Variants in UCHL1 observed in about 807,000 individuals in gnomAD.
UCHL1 encodes the protein ubiquitin carboxyl-terminal hydrolase isozyme L1.
Under a neutral mutation model 33.3 loss-of-function variants are expected in UCHL1, and 5 were observed. That is an observed-to-expected ratio of 0.15 (90% CI 0.08 to 0.32). UCHL1 has a LOEUF of 0.32. Ranked by LOEUF, UCHL1 falls within the 10% of genes least tolerant of loss-of-function variation. The pLI is 1.00. For synonymous variants in UCHL1, 132 were observed against 108.8 expected (o/e 1.21, Z -1.33); for missense variants, 236 against 280.0 (o/e 0.84, Z 1.12).
At chr4:41,264,758 T>G (rs527838330) in intron 8 of UCHL1, among the ~76,000 whole-genome samples, 1 of 152,206 alleles carries the variant, frequency 6.6e-6, no homozygotes, top group South Asian at 2.1e-4. Flanking sequence ...CACTAAAAAA[T>G]GAGCCTCTAG....
At chr4:41,258,271 C>G (rs1264851290) in intron 3 of UCHL1, among the ~76,000 whole-genome samples, 1 of 152,208 alleles carries the variant, frequency 6.6e-6, no homozygotes, top group Non-Finnish European at 1.5e-5. Flanking sequence ...CCACCACTTG[C>G]ACACTTGGTT....
At chr4:41,267,238 TTTTTG>T (rs879479928) in intron 8 of UCHL1, among the ~76,000 whole-genome samples, 246 of 151,908 alleles carry the variant, frequency 1.6e-3, no homozygotes, top group African/African-American at 5.3e-3. Flanking sequence ...GCTGTTTTTT[TTTTTG>T]TTTGTTTGTT....
At chr4:41,257,256 G>T in intron 2 of UCHL1, 130 bp downstream of exon 2, 1 of 1,431,770 alleles carries the variant, frequency 7.0e-7, no homozygotes, top group Non-Finnish European at 9.4e-7. Flanking sequence ...GGGCTGGGGC[G>T]TGGGCTGGGC....
chr4:41,264,309 ACT>A, intron 8 of UCHL1, 148 bp downstream of exon 8: 1 of 954,366 alleles, frequency 1.0e-6, no homozygotes, highest in Non-Finnish European at 1.7e-6. Context: ...CCTCTTAGTA[ACT>A]CTATCTACCT....
At chr4:41,257,383 C>T (rs1561079269) in intron 2 of UCHL1, 8 of 882,702 alleles carry the variant, frequency 9.1e-6, no homozygotes, top group Non-Finnish European at 1.3e-5. Flanking sequence ...GGGCGTGGCG[C>T]GGGCAGCACA....
chr4:41,261,364 G>C (rs1781065783), intron 4 of UCHL1, among the ~76,000 whole-genome samples: 1 of 152,282 alleles, frequency 6.6e-6, no homozygotes, highest in East Asian at 1.9e-4. Context: ...CTTTTATGGT[G>C]CTAGAAATCT....
At chr4:41,259,183 C>T (rs911433167) in intron 3 of UCHL1, among the ~76,000 whole-genome samples, 1 of 152,170 alleles carries the variant, frequency 6.6e-6, no homozygotes. Flanking sequence ...CACAGAATGC[C>T]TACTGGACAA....
chr4:41,267,849 C>T, intron 8 of UCHL1, 138 bp from the exon 9 acceptor site: 1 of 797,512 alleles, frequency 1.3e-6, no homozygotes, highest in East Asian at 2.7e-5. Context: ...TGCTTTAAGC[C>T]CTGGTTTTCA....
intron 3 of UCHL1, 151 bp downstream of exon 3, chr4:41,257,888 C>G: frequency 8.0e-7 from 1 of 1,244,304 alleles, no homozygotes; most frequent in Non-Finnish European, 1.1e-6. Flanking sequence ...TTCGTGGTAC[C>G]TACTCCCTGG....
chr4:41,260,864 G>A, intron 4 of UCHL1, 67 bp downstream of exon 4: 1 of 1,609,910 alleles, frequency 6.2e-7, no homozygotes, highest in South Asian at 1.1e-5. Flanking sequence ...AGAAACAGCT[G>A]TTTTCCCGAG....
At position 41,256,966 on chromosome 4, in the gene UCHL1, G is replaced by T. The variant is rs200302762; in HGVS notation, c.-11G>T. Reference sequence around the variant, plus strand: ...CTTCCCTAGGCTATTTCTGCCGGGCGCTCCGCGAAGATGCAGCTCAAGCCG... The same window carrying T: ...CTTCCCTAGGCTATTTCTGCCGGGCTCTCCGCGAAGATGCAGCTCAAGCCG... On this transcript the variant is annotated 5_prime_UTR_variant, in exon 1 of 9. Coordinates refer to ENST00000284440, the MANE Select transcript of UCHL1 (RefSeq NM_004181.5). The T allele has an allele frequency of 1.9e-6, 3 of 1,614,156 alleles. No homozygotes were observed. The highest frequency in any genetic ancestry group is 1.7e-4 in the Middle Eastern group (1 of 6,038).
rs781765426 is a variant in UCHL1 at position 41,257,713 on chromosome 4, G to A, written c.150G>A (p.Leu50=). 1.3e-6 allele frequency: 2 copies of A among 1,581,538 alleles called. No individual in the cohort carries two copies. Among genetic ancestry groups the A allele is most frequent in the Middle Eastern group, 1.9e-4 (1 of 5,176 alleles). Reference sequence around the variant, plus strand: ...TGCCAGCGCCTGCCTGCGCGCTGCTGCTGCTGTTTCCCCTCACGGCCCAGG... The same window carrying A: ...TGCCAGCGCCTGCCTGCGCGCTGCTACTGCTGTTTCCCCTCACGGCCCAGG... The part of the protein sequence containing the change: ...GSVPAPACAL[L]LLFPLTAQHE... The change falls in exon 3 of 9, where the codon CTG becomes CTA. Residue 50 remains leucine, a synonymous_variant. Transcript: ENST00000284440.
chr4:41,260,892 T>C, intron 4 of UCHL1, 95 bp downstream of exon 4: 4 of 1,548,354 alleles, frequency 2.6e-6, no homozygotes, highest in Non-Finnish European at 3.6e-6. Flanking sequence ...ATGCTGTACC[T>C]TTTGAAACCA....
chr4:41,268,380 G>A lies in UCHL1; in HGVS notation c.*307G>A, dbSNP rs1419612097. 4 of 403,140 alleles carry A rather than the reference G, an allele frequency of 9.9e-6. No individual in the cohort carries two copies. In the Admixed American group the frequency reaches 1.6e-4, roughly 17 times the overall value. 25.0% of individuals were successfully genotyped at this position (403,140 alleles called of 1,614,324 possible). A position where few individuals can be genotyped will look rare whatever the true frequency, so the allele number is the denominator to read the frequency against. Reference sequence around the variant, plus strand: ...TCTGTAAGTTAAGACCTTGGATGTGGTTTAATTGTTTGTCCTCAAAAGGAA... The same window carrying A: ...TCTGTAAGTTAAGACCTTGGATGTGATTTAATTGTTTGTCCTCAAAAGGAA... On this transcript the variant is annotated 3_prime_UTR_variant, in exon 9 of 9. Coordinates refer to ENST00000284440, the MANE Select transcript of UCHL1 (RefSeq NM_004181.5).
intron 4 of UCHL1, among the ~76,000 whole-genome samples, chr4:41,261,112 T>A (rs1393125396): frequency 6.6e-6 from 1 of 152,216 alleles, no homozygotes; most frequent in Non-Finnish European, 1.5e-5. Context: ...TGGATAAGCC[T>A]ATGTCAGTGG....
chr4:41,257,743 G>A lies in UCHL1; in HGVS notation c.174+6G>A, dbSNP rs1379113927. The stretch of plus-strand genomic sequence containing the variant: ...TGTTTCCCCTCACGGCCCAGGTAGG[G>A]CGTGGGGCCCAGGATGCGCCGGCCG... On this transcript the variant is annotated splice_donor_region_variant and intron_variant, in intron 3 of 8. Transcript: ENST00000284440. 4 of 1,572,416 alleles carry A rather than the reference G, an allele frequency of 2.5e-6. No homozygotes were observed. In the South Asian group the frequency reaches 4.6e-5, roughly 18 times the overall value.
intron 8 of UCHL1, among the ~76,000 whole-genome samples, chr4:41,266,270 T>C (rs909643364): frequency 1.3e-5 from 2 of 151,722 alleles, no homozygotes; most frequent in African/African-American, 2.4e-5. Context: ...TAGAACCTTA[T>C]TTAAAATTAA....
At position 41,260,671 on chromosome 4, in the gene UCHL1, A is replaced by C. The variant is rs761532352; in HGVS notation, c.199A>C (p.Ile67Leu). Residue 67 changes from isoleucine to leucine, a missense_variant, in exon 4 of 9, where the codon ATT becomes CTT. Ile to Leu is a conservative substitution (Grantham distance 5). Coordinates refer to ENST00000284440, the MANE Select transcript of UCHL1 (RefSeq NM_004181.5). The part of the protein sequence containing the change: ...AQHENFRKKQ[I>L]EELKGQEVSP... ...GCATGAGAACTTCAGGAAAAAGCAGATTGAAGAGCTGAAGGGACAAGAAGT... is the reference window on the plus strand; with the variant it reads ...GCATGAGAACTTCAGGAAAAAGCAGCTTGAAGAGCTGAAGGGACAAGAAGT... The C allele has an allele frequency of 6.8e-6, 11 of 1,614,248 alleles. No homozygotes were observed. Among genetic ancestry groups the C allele is most frequent in the Middle Eastern group, 1.6e-4 (1 of 6,062 alleles).
In UCHL1 at chr4:41,260,632, T is replaced by A; in HGVS notation, c.175-15T>A. 1.2e-6 allele frequency: 2 copies of A among 1,614,124 alleles called. No homozygotes were observed. The highest frequency in any genetic ancestry group is 1.7e-6 in the Non-Finnish European group (2 of 1,179,980). ...CTTTCATTCTGAGATGTAAAAACGC[T>A]TTTTACATTCGCAGCATGAGAACTT... On this transcript the variant is annotated splice_polypyrimidine_tract_variant and intron_variant, in intron 3 of 8. Transcript: ENST00000284440.
Sources: gnomAD v4.1 joint callset for allele counts (sites outside exome capture counted in the v4.1 genomes callset) on GRCh38, gnomAD v4.1.1 for gene constraint, MANE v1.5 for transcripts, NCBI Gene and HGNC (gene_info 2026-07-23, HGNC 2026-07-21) for gene names.